OSBPL6: variants seen among roughly 807,000 people sequenced by gnomAD.
OSBPL6 encodes the protein oxysterol binding protein like 6, also known as oxysterol-binding protein-related protein 6.
In OSBPL6, 49 loss-of-function variants were observed where a neutral mutation model predicts 125.8. The observed-to-expected ratio is 0.39, with a 90% CI of 0.31 to 0.49. The LOEUF is 0.49. OSBPL6 is among the 20% of genes least tolerant of loss of function. The pLI, the probability that OSBPL6 is intolerant of heterozygous loss-of-function variation, is 0.88. For synonymous variants in OSBPL6, 394 were observed against 391.8 expected (o/e 1.01, Z -0.07); for missense variants, 986 against 1,135.4 (o/e 0.87, Z 1.89).
At chr2:178,316,946 A>G (rs1687787042) in intron 3 of OSBPL6, among the ~76,000 whole-genome samples, 1 of 152,168 alleles carries the variant, frequency 6.6e-6, no homozygotes, top group East Asian at 1.9e-4. Flanking sequence ...AAAAAATAGT[A>G]CAATTTTTAT....
intron 1 of OSBPL6, among the ~76,000 whole-genome samples, chr2:178,249,524 T>C (rs1231091631): frequency 6.6e-6 from 1 of 152,218 alleles, no homozygotes; most frequent in South Asian, 2.1e-4. Flanking sequence ...TATTGACTCT[T>C]AAGGATTGAT....
At chr2:178,382,979 A>T (rs1232214632) in intron 16 of OSBPL6, 45 bp from the exon 17 acceptor site, 1 of 1,596,790 alleles carries the variant, frequency 6.3e-7, no homozygotes, top group Non-Finnish European at 8.5e-7. Flanking sequence ...ATTTTGTGAA[A>T]TCAGAACAGC....
intron 12 of OSBPL6, among the ~76,000 whole-genome samples, chr2:178,357,174 A>G (rs535995190): frequency 3.9e-5 from 6 of 152,266 alleles, no homozygotes; most frequent in African/African-American, 7.2e-5. Flanking sequence ...GGACATAGGC[A>G]TGGGCAAGGA....
chr2:178,355,826 C>A (rs941072174), intron 12 of OSBPL6, among the ~76,000 whole-genome samples: 1 of 152,236 alleles, frequency 6.6e-6, no homozygotes, highest in Non-Finnish European at 1.5e-5. Flanking sequence ...AACATCAGTG[C>A]AAAAATCCTC....
intron 11 of OSBPL6, among the ~76,000 whole-genome samples, chr2:178,341,151 A>G (rs1690156537): frequency 6.6e-6 from 1 of 152,192 alleles, no homozygotes; most frequent in Non-Finnish European, 1.5e-5. Context: ...CCTGCATCAC[A>G]AGAAAGAACA....
In OSBPL6 at chr2:178,389,692, C is replaced by T. The variant is rs76363828; in HGVS notation, c.2301+539C>T. 9.2e-3 allele frequency among the ~76,000 whole-genome samples: 1,404 copies of T among 152,188 alleles called. 18 individuals are homozygous for T. Among genetic ancestry groups the T allele is most frequent in the African/African-American group, 0.028 (1,182 of 41,518 alleles). On this transcript the variant is annotated intron_variant, in intron 21 of 24. Transcript: ENST00000190611. The stretch of plus-strand genomic sequence containing the variant: ...ACAAGAAAATATGTTGGGATAGAAA[C>T]GCCCAAAAAGCACCATTTTCCCTCA...
chr2:178,263,855 CAG>C (rs2092146037), intron 1 of OSBPL6, among the ~76,000 whole-genome samples: 1 of 151,034 alleles, frequency 6.6e-6, no homozygotes, highest in South Asian at 2.1e-4. Flanking sequence ...ACAGGTGAAA[CAG>C]AAAATTCTCA....
chr2:178,224,452 C>T (rs1408443179), intron 1 of OSBPL6, among the ~76,000 whole-genome samples: 1 of 152,136 alleles, frequency 6.6e-6, no homozygotes, highest in Non-Finnish European at 1.5e-5. Flanking sequence ...CTGAAACAGC[C>T]TTGCATGTGA....
At chr2:178,392,647 G>T in intron 23 of OSBPL6, 109 bp downstream of exon 23, 1 of 1,384,904 alleles carries the variant, frequency 7.2e-7, no homozygotes, top group Middle Eastern at 2.6e-4. Flanking sequence ...CTTGAGGTCA[G>T]GAATTCAAGA....
intron 1 of OSBPL6, among the ~76,000 whole-genome samples, chr2:178,198,200 G>C (rs755029233): frequency 1.3e-5 from 2 of 152,166 alleles, no homozygotes; most frequent in African/African-American, 4.8e-5. Flanking sequence ...AAATGAAAAG[G>C]ATTAGTTTAA....
chr2:178,379,441 GAGAA>G (rs1425750732), intron 15 of OSBPL6, among the ~76,000 whole-genome samples: 1 of 149,872 alleles, frequency 6.7e-6, no homozygotes, highest in Non-Finnish European at 1.5e-5. Flanking sequence ...AGAAAGAAGA[GAGAA>G]AAGGAAGGAA....
At chr2:178,258,944 T>C (rs1009295226) in intron 1 of OSBPL6, among the ~76,000 whole-genome samples, 1 of 152,210 alleles carries the variant, frequency 6.6e-6, no homozygotes, top group African/African-American at 2.4e-5. Context: ...CCTGAACTCA[T>C]AGTTACAGAA....
chr2:178,293,258 T>G (rs1685451367), intron 2 of OSBPL6, among the ~76,000 whole-genome samples: 1 of 152,148 alleles, frequency 6.6e-6, no homozygotes, highest in Non-Finnish European at 1.5e-5. Flanking sequence ...TTTACAAAGA[T>G]GAAGAAGCCA....
At chr2:178,380,577 T>G (rs1295016969) in intron 15 of OSBPL6, among the ~76,000 whole-genome samples, 1 of 150,928 alleles carries the variant, frequency 6.6e-6, no homozygotes, top group Non-Finnish European at 1.5e-5. Context: ...TGTTCCCATA[T>G]ATTGCTGACG....
chr2:178,325,476 A>G (rs767648753), intron 4 of OSBPL6, among the ~76,000 whole-genome samples: 10 of 152,220 alleles, frequency 6.6e-5, no homozygotes, highest in Non-Finnish European at 1.3e-4. Flanking sequence ...AAACTATAAA[A>G]CATAAGTGGT....
At chr2:178,329,379 C>T (rs900618233) in intron 5 of OSBPL6, among the ~76,000 whole-genome samples, 7 of 151,786 alleles carry the variant, frequency 4.6e-5, no homozygotes, top group Non-Finnish European at 1.0e-4. Context: ...AGTTGCCGTA[C>T]ATTTTCAGTT....
At position 178,256,575 on chromosome 2, in the gene OSBPL6, C is replaced by A. The variant is rs534075053; in HGVS notation, c.-350-28352C>A. Among the ~76,000 whole-genome samples, 3 of 152,288 alleles carry A rather than the reference C, an allele frequency of 2.0e-5. No individual in the cohort carries two copies. The East Asian group carries it at 5.8e-4, about 29-fold the overall frequency. ...GTGTGGAAAAGAGTGAATGCAGCGT[C>A]TGAGGCAGGCTGAGGAGTTCACCAG... is the stretch of plus-strand genomic sequence containing the variant. On this transcript the variant is annotated intron_variant, in intron 1 of 24. Transcript: ENST00000190611.
At chr2:178,304,817 T>A (rs1006908769) in intron 2 of OSBPL6, among the ~76,000 whole-genome samples, 1 of 152,210 alleles carries the variant, frequency 6.6e-6, no homozygotes, top group Non-Finnish European at 1.5e-5. Flanking sequence ...ACTCTAGTCA[T>A]ATTGGCTACC....
chr2:178,332,603 A>G (rs773046945), intron 6 of OSBPL6, 38 bp from the exon 7 acceptor site: 2 of 1,427,402 alleles, frequency 1.4e-6, no homozygotes, highest in South Asian at 2.3e-5. Flanking sequence ...ATCAAATCAT[A>G]TATCCTTTCA....
Sources: gnomAD v4.1 joint callset for allele counts (sites outside exome capture counted in the v4.1 genomes callset) on GRCh38, gnomAD v4.1.1 for gene constraint, MANE v1.5 for transcripts, NCBI Gene and HGNC (gene_info 2026-07-23, HGNC 2026-07-21) for gene names.